The following ADGRG6 variants were observed in gnomAD, a reference collection of about 807,000 sequenced individuals.
ADGRG6 encodes the protein adhesion G protein-coupled receptor G6.
Under a neutral mutation model 142.4 loss-of-function variants are expected in ADGRG6, and 84 were observed. The observed-to-expected ratio is 0.59, with a 90% CI of 0.49 to 0.71. ADGRG6 has a LOEUF of 0.71. Ranked by LOEUF, ADGRG6 falls within the 30% of genes least tolerant of loss-of-function variation. The pLI, the probability that ADGRG6 is intolerant of heterozygous loss-of-function variation, is 0.00. For missense variants in ADGRG6, 1,367 were observed against 1,466.6 expected (o/e 0.93, Z 1.11); for synonymous variants, 521 against 520.5 (o/e 1.00, Z -0.01).
At chr6:142,420,222 A>G (rs780738594) in intron 22 of ADGRG6, 118 bp downstream of exon 22, 1 of 762,734 alleles carries the variant, frequency 1.3e-6, no homozygotes, top group Non-Finnish European at 2.2e-6. Flanking sequence ...AGTGCTGAAT[A>G]TAGTTCCATG....
At chr6:142,318,294 TTA>T (rs1204810700) in intron 2 of ADGRG6, among the ~76,000 whole-genome samples, 1 of 84,392 alleles carries the variant, frequency 1.2e-5, no homozygotes, top group African/African-American at 5.0e-5. Context: ...TATTTATATA[TTA>T]TATATATTTA....
chr6:142,315,976 G>A (rs1778042894), intron 2 of ADGRG6, among the ~76,000 whole-genome samples: 1 of 152,010 alleles, frequency 6.6e-6, no homozygotes, highest in South Asian at 2.1e-4. Flanking sequence ...TATCCCAGTG[G>A]GGAATATGTG....
intron 1 of ADGRG6, among the ~76,000 whole-genome samples, chr6:142,308,201 C>A (rs1472285368): frequency 6.6e-6 from 1 of 151,916 alleles, no homozygotes; most frequent in African/African-American, 2.4e-5. Flanking sequence ...TGAAAGGCAT[C>A]GTCTTATGTA....
intron 15 of ADGRG6, among the ~76,000 whole-genome samples, chr6:142,406,443 C>T (rs1017788922): frequency 7.9e-5 from 12 of 152,180 alleles, no homozygotes; most frequent in Admixed American, 7.2e-4. Context: ...AGAGCAGGTT[C>T]GCTGGGCCCT....
In ADGRG6 at chr6:142,358,543, A is replaced by G. The variant is rs1315381155; in HGVS notation, c.104-9026A>G. 2.0e-5 allele frequency among the ~76,000 whole-genome samples: 3 copies of G among 152,316 alleles called. No homozygotes were observed. In the East Asian group the frequency reaches 5.8e-4, roughly 29 times the overall value. On this transcript the variant is annotated intron_variant, in intron 2 of 24. Coordinates refer to ENST00000367609, the MANE Select transcript of ADGRG6 (RefSeq NM_198569.3). ...TGTCAGGTCCTTAGAATTGGGCTACAGTGATTTTTACAAGGATCTTTGTTC... is the reference window on the plus strand; with the variant it reads ...TGTCAGGTCCTTAGAATTGGGCTACGGTGATTTTTACAAGGATCTTTGTTC...
chr6:142,440,921 T>C (rs1298734420), intron 24 of ADGRG6: 2 of 1,485,282 alleles, frequency 1.3e-6, no homozygotes, highest in East Asian at 4.9e-5. Context: ...ATGTCTCCTA[T>C]GAGCATTCCT....
rs1364665962 is a variant in ADGRG6, at chr6:142,370,338, C to G, written c.614C>G (p.Ser205Ter). Residue 205 changes from serine to a stop codon, truncating the protein, a stop_gained, in exon 4 of 25, where the codon TCA becomes TGA. Transcript: ENST00000367609. LOFTEE classifies it high-confidence loss of function. ...AGTGATTGGACAGCTTTCTCCTACT[C>G]AAATGCATCCTTCACACAATTGCTC... ...EDSDWTAFSY[S>*]NASFTQLLSF... 2.5e-6 allele frequency: 4 copies of G among 1,613,636 alleles called. No homozygotes were observed. Among genetic ancestry groups the G allele is most frequent in the Non-Finnish European group, 3.4e-6 (4 of 1,179,620 alleles).
intron 2 of ADGRG6, among the ~76,000 whole-genome samples, chr6:142,317,743 A>C (rs1319024630): frequency 3.7e-4 from 40 of 107,654 alleles, no homozygotes; most frequent in Middle Eastern, 4.0e-3. Context: ...ATATTTATAT[A>C]ATATATATTT....
intron 2 of ADGRG6, among the ~76,000 whole-genome samples, chr6:142,311,301 G>A (rs979234279): frequency 6.6e-6 from 1 of 151,804 alleles, no homozygotes; most frequent in Non-Finnish European, 1.5e-5. Flanking sequence ...TATCAGATAA[G>A]GTCTTGTGAC....
chr6:142,380,469 A>C, intron 4 of ADGRG6, among the ~76,000 whole-genome samples: 1 of 152,166 alleles, frequency 6.6e-6, no homozygotes, highest in East Asian at 1.9e-4. Flanking sequence ...TCTAGTGCTC[A>C]TGGTGTTGCT....
intron 1 of ADGRG6, among the ~76,000 whole-genome samples, chr6:142,307,587 T>A (rs1245014082): frequency 2.0e-5 from 3 of 152,006 alleles, no homozygotes; most frequent in Non-Finnish European, 2.9e-5. Flanking sequence ...GTGGGTAATA[T>A]CCTATTTACA....
chr6:142,375,620 GTT>G (rs1157373909), intron 4 of ADGRG6, among the ~76,000 whole-genome samples: 1 of 152,084 alleles, frequency 6.6e-6, no homozygotes, highest in East Asian at 1.9e-4. Context: ...GCATCTTGCT[GTT>G]TATGGTTATA....
At chr6:142,400,778 G>A (rs1775477230) in intron 11 of ADGRG6, 182 bp downstream of exon 11, 1 of 518,872 alleles carries the variant, frequency 1.9e-6, no homozygotes, top group Non-Finnish European at 3.4e-6. Context: ...ACTCAGAAAG[G>A]CAGTGTTTTC....
intron 2 of ADGRG6, among the ~76,000 whole-genome samples, chr6:142,310,276 A>G (rs143424524): frequency 0.011 from 1,596 of 151,956 alleles, 27 homozygotes; most frequent in African/African-American, 0.036. Flanking sequence ...GAATAAGCCA[A>G]TTAGAGGCTG....
chr6:142,368,620 G>T (rs888721739), intron 3 of ADGRG6, among the ~76,000 whole-genome samples: 5 of 151,410 alleles, frequency 3.3e-5, no homozygotes, highest in African/African-American at 1.2e-4. Flanking sequence ...TTATGATTTA[G>T]TTATACTTTT....
chr6:142,312,047 T>G (rs1777794083), intron 2 of ADGRG6, among the ~76,000 whole-genome samples: 1 of 151,970 alleles, frequency 6.6e-6, no homozygotes, highest in African/African-American at 2.4e-5. Context: ...TACCACCTCA[T>G]GTAATCCTTC....
intron 19 of ADGRG6, 28 bp from the exon 20 acceptor site, chr6:142,415,768 C>G (rs1174378122): frequency 6.4e-7 from 1 of 1,553,834 alleles, no homozygotes; most frequent in South Asian, 1.1e-5. Context: ...TATTAGTTCT[C>G]TCATAGATTC....
chr6:142,384,672 A>G (rs72988333), intron 6 of ADGRG6, among the ~76,000 whole-genome samples: 5,130 of 152,232 alleles, frequency 0.034, 130 homozygotes, highest in Non-Finnish European at 0.047. Context: ...ATTAGAAACA[A>G]AGGAATTTTC....
In ADGRG6 at chr6:142,302,057, G is replaced by A. The variant is rs1777242962; in HGVS notation, c.-273G>A. On this transcript the variant is annotated 5_prime_UTR_variant, in exon 1 of 25. Transcript: ENST00000367609. Reference sequence around the variant, plus strand: ...GCACACCCTACTTCCTCAGCTTCTCGCCCTCACCCTGCCAACTTCCCTGCG... The same window carrying A: ...GCACACCCTACTTCCTCAGCTTCTCACCCTCACCCTGCCAACTTCCCTGCG... 3.8e-6 allele frequency: 2 copies of A among 522,064 alleles called. No homozygotes were observed. Among genetic ancestry groups the A allele is most frequent in the Admixed American group, 3.6e-5 (1 of 27,606 alleles). The allele number at this position is 522,064 out of a possible 1,614,324, so 32.3% of individuals were successfully genotyped here.
Sources: gnomAD v4.1 joint callset for allele counts (sites outside exome capture counted in the v4.1 genomes callset) on GRCh38, gnomAD v4.1.1 for gene constraint, MANE v1.5 for transcripts, NCBI Gene and HGNC (gene_info 2026-07-23, HGNC 2026-07-21) for gene names.